CCDC14: variants seen among roughly 807,000 people sequenced by gnomAD.
The protein encoded by CCDC14 is coiled-coil domain containing 14.
In CCDC14, 71 loss-of-function variants were observed where a neutral mutation model predicts 81.4. That is an observed-to-expected ratio of 0.87 (90% confidence interval 0.72 to 1.06). CCDC14 has a LOEUF of 1.06. Ranked by LOEUF, CCDC14 falls within the 50% of genes least tolerant of loss-of-function variation. The pLI, the probability that CCDC14 is intolerant of heterozygous loss-of-function variation, is 0.00. For missense variants in CCDC14, 1,046 were observed against 1,047.3 expected, an observed-to-expected ratio of 1.00 and a Z score of 0.02; for synonymous variants, 332 against 364.8, an observed-to-expected ratio of 0.91 and a Z score of 1.03.
chr3:123,947,402 T>G, intron 7 of CCDC14, 83 bp from the exon 8 acceptor site: 1 of 885,988 alleles, frequency 1.1e-6, no homozygotes, highest in Non-Finnish European at 1.7e-6. Flanking sequence ...ATATATGAAA[T>G]ATATTTATTA....
At chr3:123,901,150 T>A (rs1023563028) in intron 5 of CCDC14, among the ~76,000 whole-genome samples, 1 of 151,936 alleles carries the variant, frequency 6.6e-6, no homozygotes, top group African/African-American at 2.4e-5. Context: ...GAGAATCACT[T>A]GAACCCAGGA....
At chr3:123,905,610 A>G (rs1353837268) in intron 5 of CCDC14, among the ~76,000 whole-genome samples, 2 of 152,238 alleles carry the variant, frequency 1.3e-5, no homozygotes, top group Admixed American at 6.5e-5. Flanking sequence ...ACAGAGGTCA[A>G]CACTCTAAGG....
rs147520033 is a variant in CCDC14 at position 123,914,394 on chromosome 3, C to A, written c.*385G>T. The stretch of plus-strand genomic sequence containing the variant: ...TATGTAAACAGAAAAAAAAAACCCT[C>A]TAGTTTCAACAGAAAAACTTACATC... On this transcript the variant is annotated 3_prime_UTR_variant, in exon 13 of 13. Transcript: ENST00000409697. 123 of 986,054 alleles carry A rather than the reference C, an allele frequency of 1.2e-4. No homozygotes were observed. The East Asian group carries it at 0.012, about 97-fold the overall frequency. 61.1% of individuals were successfully genotyped at this position (986,054 alleles called of 1,614,324 possible).
intron 5 of CCDC14, among the ~76,000 whole-genome samples, chr3:123,906,842 A>C (rs1383635583): frequency 1.3e-5 from 2 of 152,220 alleles, no homozygotes; most frequent in East Asian, 3.8e-4. Flanking sequence ...TATTATGTTT[A>C]ATCTATTTTA....
intron 7 of CCDC14, 36 bp downstream of exon 7, chr3:123,948,655 A>C (rs779516820): frequency 6.8e-7 from 1 of 1,468,586 alleles, no homozygotes; most frequent in South Asian, 1.3e-5. Context: ...TGCTATAAGC[A>C]AATAGTTACT....
intron 2 of CCDC14, 97 bp downstream of exon 2, chr3:123,956,643 G>T: frequency 3.2e-6 from 3 of 934,750 alleles, no homozygotes; most frequent in Non-Finnish European, 3.3e-6. Context: ...GATGGTAGAG[G>T]CCTACCTAAT....
intron 5 of CCDC14, among the ~76,000 whole-genome samples, chr3:123,900,819 A>C (rs2034163492): frequency 6.6e-6 from 1 of 152,184 alleles, no homozygotes; most frequent in Admixed American, 6.5e-5. Flanking sequence ...TAATATATTA[A>C]TTTAATGTAG....
chr3:123,886,345 T>C, the CCDC14 span, among the ~76,000 whole-genome samples: 1 of 150,324 alleles, frequency 6.7e-6, no homozygotes, highest in African/African-American at 2.5e-5. Context: ...CTTCTCTCTC[T>C]CTTTTTCTTT....
intron 1 of CCDC14, chr3:123,957,837 CCT>C (rs1466520426): frequency 6.6e-6 from 1 of 151,712 alleles, no homozygotes. Context: ...TGAGAAAGTC[CCT>C]GATTCCCCCC....
intron 5 of CCDC14, chr3:123,949,404 C>CA (rs5852376): frequency 0.084 from 34,293 of 408,582 alleles, 4,717 homozygotes; most frequent in East Asian, 0.43. Context: ...ATCTCTCCTT[C>CA]ATTTTAACAC....
chr3:123,949,960 G>T (rs1370943939), intron 5 of CCDC14, among the ~76,000 whole-genome samples: 1 of 152,060 alleles, frequency 6.6e-6, no homozygotes, highest in African/African-American at 2.4e-5. Context: ...CTCTAAGCAG[G>T]GCTGTACTTC....
intron 5 of CCDC14, chr3:123,955,632 A>G: frequency 2.6e-6 from 1 of 380,958 alleles, no homozygotes; most frequent in Non-Finnish European, 4.6e-6. Context: ...AAACCCTGAC[A>G]GTCTCTTTTT....
intron 1 of CCDC14, chr3:123,958,756 C>T (rs1219375646): frequency 4.6e-5 from 7 of 151,882 alleles, no homozygotes; most frequent in African/African-American, 1.7e-4. Flanking sequence ...CACATGTTGC[C>T]AATTATCCCA....
chr3:123,939,409 A>G (rs1188316275), intron 9 of CCDC14, among the ~76,000 whole-genome samples: 1 of 146,316 alleles, frequency 6.8e-6, no homozygotes, highest in Non-Finnish European at 1.5e-5. Flanking sequence ...GGTTTTTCTG[A>G]GATCTTCTAT....
Position 123,947,089 on chromosome 3 carries a change from T to A in CCDC14, c.915A>T (p.Thr305=), listed in dbSNP as rs373769754. The A allele has an allele frequency of 1.4e-5, 22 of 1,613,884 alleles. No homozygotes were observed. In the African/African-American group the frequency reaches 2.7e-4, roughly 20 times the overall value. ...CATGAGATCGAAAAAGAGACAAATA[T>A]GTTTGAATACATTTTAGTAGGTCTG... ...KETDLLKCIQ[T]YLSLFRSHGK... Residue 305 remains threonine (T), a synonymous_variant, in exon 8 of 13, where the codon ACA becomes ACT. Coordinates refer to ENST00000409697, the MANE Select transcript of CCDC14 (RefSeq NM_001366335.1).
intron 12 of CCDC14, among the ~76,000 whole-genome samples, chr3:123,918,178 T>A (rs531580534): frequency 3.3e-5 from 5 of 152,324 alleles, no homozygotes; most frequent in African/African-American, 1.2e-4. Flanking sequence ...GGTGATTATA[T>A]CTCTGTATAT....
At chr3:123,925,310 T>C (rs922283675) in intron 12 of CCDC14, among the ~76,000 whole-genome samples, 7 of 152,228 alleles carry the variant, frequency 4.6e-5, no homozygotes, top group Middle Eastern at 3.4e-3. Context: ...AGAATAGTGG[T>C]TACCAGAGAC....
chr3:123,929,377 A>G (rs2148847179), intron 12 of CCDC14, among the ~76,000 whole-genome samples: 1 of 152,182 alleles, frequency 6.6e-6, no homozygotes, highest in South Asian at 2.1e-4. Flanking sequence ...GTGGCATGAT[A>G]GTGGCTCACC....
rs193237515 is a variant in CCDC14 at position 123,937,894 on chromosome 3, C to T, written c.1344-4139G>A. Among the ~76,000 whole-genome samples, 13 of 151,886 alleles carry T rather than the reference C, an allele frequency of 8.6e-5. No homozygotes were observed. The East Asian group carries it at 2.5e-3, about 29-fold the overall frequency. On this transcript the variant is annotated intron_variant, in intron 9 of 12. Coordinates refer to ENST00000409697, the MANE Select transcript of CCDC14 (RefSeq NM_001366335.1). Reference sequence around the variant, plus strand: ...TAAAAACATGACTCTCTCATTGTTTCAGCACTATTTATTGAAAAGAGTATT... The same window carrying T: ...TAAAAACATGACTCTCTCATTGTTTTAGCACTATTTATTGAAAAGAGTATT...
Sources: allele counts gnomAD v4.1 joint callset (sites outside exome capture counted in the v4.1 genomes callset), GRCh38; gene constraint gnomAD v4.1.1; transcripts MANE v1.5; gene names NCBI Gene and HGNC (gene_info 2026-07-23, HGNC 2026-07-21).